Variants in VIPR2 observed in about 807,000 individuals in gnomAD.
VIPR2 encodes vasoactive intestinal peptide receptor 2, also known as vasoactive intestinal polypeptide receptor 2.
Under a neutral mutation model 58.0 loss-of-function variants are expected in VIPR2, and 48 were observed. That is an observed-to-expected ratio of 0.83 (90% CI 0.66 to 1.05). The LOEUF (loss-of-function observed/expected upper bound fraction) is 1.05, where lower values mean the gene tolerates loss of function less well. Ranked by LOEUF, VIPR2 falls within the 50% of genes least tolerant of loss-of-function variation. The pLI, the probability that VIPR2 is intolerant of heterozygous loss-of-function variation, is 0.00. For synonymous variants in VIPR2, 243 were observed against 235.2 expected (o/e 1.03, Z -0.30); for missense variants, 534 against 558.0 (o/e 0.96, Z 0.43).
rs138164815 is a variant in VIPR2, at chr7:159,052,956, G to A, written c.455+5525C>T. On this transcript the variant is annotated intron_variant, in intron 5 of 12. Coordinates refer to ENST00000262178, the MANE Select transcript of VIPR2 (RefSeq NM_003382.5). ...GAAGTATGGAAAGCTTTCACTCTGA[G>A]TTCAGAAATAAGAAAATGTTGTTTG... Among the ~76,000 whole-genome samples the A allele has an allele frequency of 3.9e-3, 592 of 152,316 alleles. 3 individuals are homozygous for A. Among genetic ancestry groups the A allele is most frequent in the Middle Eastern group, 0.01 (3 of 294 alleles).
At position 159,029,364 on chromosome 7, in the gene VIPR2, A is replaced by T. The variant is rs1413007778; in HGVS notation, c.*1252T>A. The T allele has an allele frequency of 6.6e-6, 1 of 152,216 alleles. No homozygotes were observed. The highest frequency in any genetic ancestry group is 1.5e-5 in the Non-Finnish European group (1 of 68,080). The allele number at this position is 152,216 out of a possible 1,614,324, so 9.4% of individuals were successfully genotyped here. On this transcript the variant is annotated 3_prime_UTR_variant, in exon 13 of 13. Coordinates refer to ENST00000262178, the MANE Select transcript of VIPR2 (RefSeq NM_003382.5). ...TGCCCTGATATCCCCACCCTTCTGC[A>T]GCTGGCTCAGCAACGTCCCCAGACA...
chr7:159,113,448 G>A (rs913043458), intron 2 of VIPR2, among the ~76,000 whole-genome samples: 9 of 151,952 alleles, frequency 5.9e-5, no homozygotes, highest in Non-Finnish European at 8.8e-5. Context: ...ATTTTAAGAC[G>A]CTAGTCTGCC....
rs1038820532 is a variant in VIPR2 at position 159,117,262 on chromosome 7, A to G, written c.152-7343T>C. The G allele has an allele frequency of 6.1e-5, 44 of 715,498 alleles. 1 individual carries two copies. In the African/African-American group the frequency reaches 7.2e-4, roughly 12 times the overall value. The allele number at this position is 715,498 out of a possible 1,614,324, so 44.3% of individuals were successfully genotyped here. On this transcript the variant is annotated intron_variant, in intron 2 of 12. Coordinates refer to ENST00000262178, the MANE Select transcript of VIPR2 (RefSeq NM_003382.5). ...GGGACTTGCTTTATCACCAGTGTAT[A>G]CCACACACGAGGCTTCCTGTGACTT...
chr7:159,144,555 C>G (rs776784670), intron 1 of VIPR2, 166 bp downstream of exon 1: 1 of 1,465,744 alleles, frequency 6.8e-7, no homozygotes, highest in Non-Finnish European at 9.1e-7. Flanking sequence ...GCTTCACGCT[C>G]TCCGGGAGGA....
chr7:159,051,616 T>C (rs1855012194), intron 5 of VIPR2, among the ~76,000 whole-genome samples: 2 of 151,898 alleles, frequency 1.3e-5, no homozygotes, highest in South Asian at 4.2e-4. Flanking sequence ...AAAAGCAAAT[T>C]CCAATTAAAT....
intron 5 of VIPR2, among the ~76,000 whole-genome samples, chr7:159,057,193 A>C (rs903944558): frequency 6.6e-6 from 1 of 152,244 alleles, no homozygotes; most frequent in Non-Finnish European, 1.5e-5. Context: ...ACTTCCTTAA[A>C]GTTTTCCTCT....
At chr7:159,082,754 ACAGATAGG>A (rs1296297695) in intron 4 of VIPR2, among the ~76,000 whole-genome samples, 1 of 152,172 alleles carries the variant, frequency 6.6e-6, no homozygotes, top group Non-Finnish European at 1.5e-5. Context: ...AGACCTGCAG[ACAGATAGG>A]CAGATAGGCA....
In VIPR2 at chr7:159,032,018, A is replaced by G; in HGVS notation, c.1021T>C (p.Tyr341His). 6.2e-7 allele frequency: 1 copy of G among 1,614,162 alleles called. No individual in the cohort carries two copies. Among genetic ancestry groups the G allele is most frequent in the Non-Finnish European group, 8.5e-7 (1 of 1,180,046 alleles). ...LLLIPLFGVH[Y>H]MVFAVFPISI... ...ATGGGAAACACGGCAAACACCATGTAGTGGACGCCGAACAGCGGGATAAGC... is the reference window on the plus strand; with the variant it reads ...ATGGGAAACACGGCAAACACCATGTGGTGGACGCCGAACAGCGGGATAAGC... The change falls in exon 11 of 13, where the codon TAC becomes CAC. Residue 341 changes from tyrosine to histidine, a missense_variant. By Grantham distance (83) the Tyr-to-His change is moderately conservative. Transcript: ENST00000262178.
At chr7:159,042,599 C>G (rs566666104) in intron 6 of VIPR2, among the ~76,000 whole-genome samples, 13 of 152,304 alleles carry the variant, frequency 8.5e-5, no homozygotes, top group African/African-American at 2.6e-4. Context: ...AAGGAATTTA[C>G]CCATGGCACA....
intron 6 of VIPR2, among the ~76,000 whole-genome samples, chr7:159,039,575 C>T (rs552491055): frequency 1.1e-5 from 1 of 91,146 alleles, no homozygotes; most frequent in East Asian, 3.3e-4. Flanking sequence ...GTTGAAGCCC[C>T]ACCCGCTGTG....
rs199756826 is a variant in VIPR2, at chr7:159,059,268, T to TA, written c.358-691dup. 5.6e-3 allele frequency: 2,647 copies of TA among 471,178 alleles called. 55 individuals are homozygous for TA. Among genetic ancestry groups the TA allele is most frequent in the African/African-American group, 0.046 (2,306 of 50,168 alleles). 29.2% of individuals were successfully genotyped at this position (471,178 alleles called of 1,614,324 possible). ...GAAGGAAAACCAGTGCCTGTTGCGA[T>TA]AAAAACCAGCAACACCTGCAGGGCA... On this transcript the variant is annotated intron_variant, in intron 4 of 12. Coordinates refer to ENST00000262178, the MANE Select transcript of VIPR2 (RefSeq NM_003382.5).
chr7:159,123,797 A>G (rs1409250892), intron 2 of VIPR2, among the ~76,000 whole-genome samples: 3 of 152,132 alleles, frequency 2.0e-5, no homozygotes, highest in African/African-American at 7.2e-5. Flanking sequence ...TTTTCTCTGT[A>G]ATCTTGCCAG....
Position 159,034,587 on chromosome 7 carries a change from G to C in VIPR2, c.873C>G (p.Ser291=). The C allele has an allele frequency of 1.2e-6, 2 of 1,613,550 alleles. No individual in the cohort carries two copies. The highest frequency in any genetic ancestry group is 1.7e-6 in the Non-Finnish European group (2 of 1,179,552). Residue 291 remains serine (S), a synonymous_variant, in exon 9 of 13, where the codon TCC becomes TCG. Coordinates refer to ENST00000262178, the MANE Select transcript of VIPR2 (RefSeq NM_003382.5). ...WWVIRIPILI[S]IIVNFVLFIS... ...GTCAACAGGGACTACTTACGATGAT[G>C]GAAATTAAAATCGGTATTCGTATGA... is the stretch of plus-strand genomic sequence containing the variant.
intron 4 of VIPR2, among the ~76,000 whole-genome samples, chr7:159,064,782 TGCACAGCTGTGTGCTGGG>T (rs1855989127): frequency 6.6e-6 from 1 of 152,188 alleles, no homozygotes; most frequent in Non-Finnish European, 1.5e-5. Context: ...GGGCCGCCTG[TGCACAGCTGTGTGCTGGG>T]GCACCGACCC....
At chr7:159,051,110 T>A (rs1854979410) in intron 5 of VIPR2, among the ~76,000 whole-genome samples, 1 of 152,168 alleles carries the variant, frequency 6.6e-6, no homozygotes, top group African/African-American at 2.4e-5. Flanking sequence ...TACAGGGAAA[T>A]CTTCCTGCAG....
chr7:159,034,257 C>T lies in VIPR2; in HGVS notation c.927G>A (p.Lys309=), dbSNP rs1031601697. 6.2e-7 allele frequency: 1 copy of T among 1,614,104 alleles called. No individual in the cohort carries two copies. Among genetic ancestry groups the T allele is most frequent in the African/African-American group, 1.3e-5 (1 of 75,052 alleles). ...TGCCGCCGACATCTGGGGATGTTAA[C>T]TTCTGCAGCAAAATTCGTATAATAC... ...FISIIRILLQ[K]LTSPDVGGND... Residue 309 remains lysine (K), a synonymous_variant, in exon 10 of 13, where the codon AAG becomes AAA. Coordinates refer to ENST00000262178, the MANE Select transcript of VIPR2 (RefSeq NM_003382.5).
At chr7:159,140,507 G>C (rs111921575) in intron 2 of VIPR2, among the ~76,000 whole-genome samples, 4 of 152,258 alleles carry the variant, frequency 2.6e-5, no homozygotes, top group African/African-American at 9.6e-5. Context: ...CTGAAGGGCA[G>C]TGTCTTGTTA....
intron 5 of VIPR2, among the ~76,000 whole-genome samples, chr7:159,055,494 C>G (rs147613068): frequency 6.6e-6 from 1 of 152,100 alleles, no homozygotes; most frequent in Non-Finnish European, 1.5e-5. Context: ...TGAATTTTCT[C>G]GGTGTCTTGG....
intron 5 of VIPR2, among the ~76,000 whole-genome samples, chr7:159,057,124 A>G (rs554007627): frequency 4.7e-4 from 71 of 152,260 alleles, no homozygotes; most frequent in African/African-American, 1.6e-3. Context: ...AAAAATAGGG[A>G]TTGTTCAATA....
Sources: allele counts gnomAD v4.1 joint callset (sites outside exome capture counted in the v4.1 genomes callset), GRCh38; gene constraint gnomAD v4.1.1; transcripts MANE v1.5; gene names NCBI Gene and HGNC (gene_info 2026-07-23, HGNC 2026-07-21).